Variants in NT5C3A observed in about 807,000 individuals in gnomAD.
NT5C3A encodes cytosolic 5'-nucleotidase 3A.
In NT5C3A, 23 loss-of-function variants were observed where a neutral mutation model predicts 40.0. That is an observed-to-expected ratio of 0.58 (90% CI 0.41 to 0.81). The LOEUF (loss-of-function observed/expected upper bound fraction) is 0.81, where lower values mean the gene tolerates loss of function less well. NT5C3A is among the 40% of genes least tolerant of loss of function. NT5C3A has a pLI of 0.00. For synonymous variants in NT5C3A, 130 were observed against 141.4 expected (o/e 0.92, Z 0.57); for missense variants, 328 against 403.0 (o/e 0.81, Z 1.59).
chr7:33,045,518 G>A lies in NT5C3A; in HGVS notation c.138+17050C>T, dbSNP rs1165549023. Among the ~76,000 whole-genome samples the A allele has an allele frequency of 2.0e-5, 3 of 151,232 alleles. No individual in the cohort carries two copies. In the East Asian group the frequency reaches 5.8e-4, roughly 29 times the overall value. On this transcript the variant is annotated intron_variant, in intron 1 of 8. Transcript: ENST00000610140. ...TCTGTCACCCAGGCTGGAGTGCAGT[G>A]GCACGATCTCGGCTCACTGCAATCT...
chr7:33,049,969 CAAA>C (rs61035673), intron 1 of NT5C3A, among the ~76,000 whole-genome samples: 5 of 58,462 alleles, frequency 8.6e-5, no homozygotes, highest in Admixed American at 1.9e-4. Context: ...GACTCCATCT[CAAA>C]AAAAAAAAAA....
chr7:33,031,164 G>C (rs1287260314), intron 1 of NT5C3A, among the ~76,000 whole-genome samples: 1 of 151,888 alleles, frequency 6.6e-6, no homozygotes, highest in Admixed American at 6.6e-5. Flanking sequence ...TCTGGGTGTG[G>C]CTTGGTATCA....
chr7:33,015,790 G>A lies in NT5C3A; in HGVS notation c.774C>T (p.Phe258=). The A allele has an allele frequency of 6.2e-7, 1 of 1,610,010 alleles. No homozygotes were observed. Among genetic ancestry groups the A allele is most frequent in the Non-Finnish European group, 8.5e-7 (1 of 1,176,254 alleles). The change falls in exon 8 of 9, where the codon TTC becomes TTT. Residue 258 remains phenylalanine, a synonymous_variant. Transcript: ENST00000610140. ...HDGALRNTEY[F]NQLKDNSNII... is the part of the protein sequence containing the mutation. ...TGTTACTATTGTCTTTTAGTTGATTGAAATATTCTGTATTCCTCAAGGCAC... is the reference window on the plus strand; with the variant it reads ...TGTTACTATTGTCTTTTAGTTGATTAAAATATTCTGTATTCCTCAAGGCAC...
chr7:33,062,750 C>T lies in NT5C3A; in HGVS notation c.-45G>A, dbSNP rs1375761619. On this transcript the variant is annotated 5_prime_UTR_variant, in exon 1 of 9. Coordinates refer to ENST00000610140, the MANE Select transcript of NT5C3A (RefSeq NM_001002010.5). ...GTCCAAGCAGGAAAAAAACAGGCAG[C>T]TCGCGTAGACTGCGAGTCTCGGAAG... 1.9e-6 allele frequency: 3 copies of T among 1,548,994 alleles called. No homozygotes were observed. The South Asian group carries it at 3.6e-5, about 18-fold the overall frequency.
intron 2 of NT5C3A, among the ~76,000 whole-genome samples, chr7:33,025,379 T>G (rs1785862742): frequency 6.6e-6 from 1 of 152,220 alleles, no homozygotes; most frequent in Non-Finnish European, 1.5e-5. Context: ...AATGAATGAA[T>G]GCACATTGAA....
In NT5C3A at chr7:33,014,673, A is replaced by C. The variant is rs1358043241; in HGVS notation, c.*57T>G. 5 of 1,602,816 alleles carry C rather than the reference A, an allele frequency of 3.1e-6. No homozygotes were observed. ...ATAAATAAGTCTCTCAGCAAGATGAACGGATGAACAGTTCAATTGCACCCA... is the reference window on the plus strand; with the variant it reads ...ATAAATAAGTCTCTCAGCAAGATGACCGGATGAACAGTTCAATTGCACCCA... On this transcript the variant is annotated 3_prime_UTR_variant, in exon 9 of 9. Transcript: ENST00000610140.
At chr7:33,045,580 C>G (rs372701912) in intron 1 of NT5C3A, among the ~76,000 whole-genome samples, 5 of 152,070 alleles carry the variant, frequency 3.3e-5, no homozygotes, top group African/African-American at 2.4e-5. Flanking sequence ...CTGCCTCAGC[C>G]TCCCGAGTAG....
At chr7:33,022,921 T>G (rs969365506) in intron 3 of NT5C3A, among the ~76,000 whole-genome samples, 14 of 141,498 alleles carry the variant, frequency 9.9e-5, no homozygotes, top group East Asian at 6.1e-4. Flanking sequence ...ATTTTTAGTG[T>G]TTTTTTTTTT....
chr7:33,033,236 T>A (rs1353266115), intron 1 of NT5C3A, among the ~76,000 whole-genome samples: 1 of 152,218 alleles, frequency 6.6e-6, no homozygotes, highest in Non-Finnish European at 1.5e-5. Flanking sequence ...TACAAAGAAG[T>A]AGGCACTAGA....
rs569452998 is a variant in NT5C3A at position 33,048,336 on chromosome 7, TG to T, written c.138+14231del. ...CTGGGATTACAGGTATGAGCCACCT[TG>T]CCCGGCCTGGTAAATAGTTTAAAAT... On this transcript the variant is annotated intron_variant, in intron 1 of 8. Transcript: ENST00000610140. Among the ~76,000 whole-genome samples the T allele has an allele frequency of 2.6e-5, 4 of 152,078 alleles. No homozygotes were observed. The South Asian group carries it at 8.3e-4, about 31-fold the overall frequency.
chr7:33,026,789 C>G (rs1448235732), intron 2 of NT5C3A, 28 bp downstream of exon 2: 1 of 1,494,338 alleles, frequency 6.7e-7, no homozygotes, highest in Non-Finnish European at 9.3e-7. Context: ...CCAACACACA[C>G]AGCCAAGGCT....
At chr7:33,029,428 A>G (rs537608991) in intron 1 of NT5C3A, 1 of 347,398 alleles carries the variant, frequency 2.9e-6, no homozygotes, top group Non-Finnish European at 5.7e-6. Flanking sequence ...TCCCTTACAA[A>G]TACCTCAGCT....
Position 33,062,698 on chromosome 7 carries a change from C to T in NT5C3A, c.8G>A (p.Arg3His). Residue 3 changes from arginine (R) to histidine (H), a missense_variant, in exon 1 of 9, where the codon CGC becomes CAC. Arg to His is a conservative substitution (Grantham distance 29). Around this residue, in one of 3 missense-constraint regions of NT5C3A, gnomAD observed 280 missense variants for 317.2 expected, o/e 0.88. Coordinates refer to ENST00000610140, the MANE Select transcript of NT5C3A (RefSeq NM_001002010.5). ...CGCGCCCACCCTCGCCACGGCCGCG[C>T]GGTCCATGGACGGGGCCCTCATGCG... Reference protein sequence around the residue: MDRAAVARVGAVA... With the variant: MDHAAVARVGAVA... 6.4e-7 allele frequency: 1 copy of T among 1,565,260 alleles called. No homozygotes were observed. The highest frequency in any genetic ancestry group is 2.4e-5 in the East Asian group (1 of 41,512).
chr7:33,057,160 G>C (rs1787604317), intron 1 of NT5C3A, among the ~76,000 whole-genome samples: 1 of 151,906 alleles, frequency 6.6e-6, no homozygotes, highest in Admixed American at 6.6e-5. Context: ...CTAACTCATA[G>C]GCAATGCACC....
At chr7:33,018,156 A>C (rs1260636724) in intron 6 of NT5C3A, among the ~76,000 whole-genome samples, 1 of 152,262 alleles carries the variant, frequency 6.6e-6, no homozygotes, top group African/African-American at 2.4e-5. Context: ...TAATGGATAT[A>C]TATTGACCAA....
In NT5C3A at chr7:33,026,867, C is replaced by T; in HGVS notation, c.187G>A (p.Val63Ile). ...ATAAGACCACAGATAATTTCTTCTACTCTTGTAGGGTTCTTGATTCGAACT... is the reference window on the plus strand; with the variant it reads ...ATAAGACCACAGATAATTTCTTCTATTCTTGTAGGGTTCTTGATTCGAACT... ...SSVRIKNPTR[V>I]EEIICGLIKG... The change falls in exon 2 of 9, where the codon GTA becomes ATA. Residue 63 changes from valine (V) to isoleucine (I), a missense_variant. Physicochemically the swap from Val to Ile is conservative, Grantham distance 29. This residue lies in a region of NT5C3A where 280 missense variants were observed against 317.2 expected (regional missense o/e 0.88). Transcript: ENST00000610140. 1 of 1,612,902 alleles carries T rather than the reference C, an allele frequency of 6.2e-7. No homozygotes were observed. The highest frequency in any genetic ancestry group is 8.5e-7 in the Non-Finnish European group (1 of 1,179,800).
At chr7:33,037,827 A>T (rs1786692410) in intron 1 of NT5C3A, among the ~76,000 whole-genome samples, 1 of 152,178 alleles carries the variant, frequency 6.6e-6, no homozygotes, top group African/African-American at 2.4e-5. Flanking sequence ...GTACAGCTAT[A>T]TATATACACA....
chr7:33,041,048 G>A (rs1048672544), intron 1 of NT5C3A: 9 of 985,214 alleles, frequency 9.1e-6, no homozygotes, highest in African/African-American at 5.2e-5. Flanking sequence ...TTACAGCCTC[G>A]CTAGCTCTGA....
chr7:33,023,787 AAT>A (rs1365032598), intron 3 of NT5C3A: 1 of 479,498 alleles, frequency 2.1e-6, no homozygotes, highest in African/African-American at 1.9e-5. Flanking sequence ...TTGAATAATG[AAT>A]AGACCATATT....
Sources: allele counts gnomAD v4.1 joint callset (sites outside exome capture counted in the v4.1 genomes callset), GRCh38; gene constraint gnomAD v4.1.1; regional missense constraint gnomAD v4.1.1; transcripts MANE v1.5; gene names NCBI Gene and HGNC (gene_info 2026-07-23, HGNC 2026-07-21).